Variants in SMIM14 observed in about 807,000 individuals in gnomAD.
SMIM14 encodes chromosome 4 open reading frame 34.
In SMIM14, 5 loss-of-function variants were observed where a neutral mutation model predicts 12.6. That is an observed-to-expected ratio of 0.40 (90% CI 0.21 to 0.83). The LOEUF is 0.83. SMIM14 is among the 40% of genes least tolerant of loss of function. The pLI is 0.37. For missense variants in SMIM14, 86 were observed against 119.1 expected, an observed-to-expected ratio of 0.72 and a Z score of 1.29; for synonymous variants, 30 against 40.1, an observed-to-expected ratio of 0.75 and a Z score of 0.95.
chr4:39,563,489 G>A (rs1160869626), intron 3 of SMIM14, among the ~76,000 whole-genome samples: 2 of 152,224 alleles, frequency 1.3e-5, no homozygotes, highest in African/African-American at 4.8e-5. Context: ...TTCGGGGTGG[G>A]ATCAGGAGCC....
At chr4:39,562,775 G>A (rs866299121) in intron 3 of SMIM14, among the ~76,000 whole-genome samples, 4 of 140,708 alleles carry the variant, frequency 2.8e-5, no homozygotes, top group African/African-American at 9.2e-5. Context: ...CCAAAGTTCT[G>A]GAATTACAGG....
chr4:39,610,380 C>T (rs2110063659), intron 1 of SMIM14, among the ~76,000 whole-genome samples: 1 of 152,156 alleles, frequency 6.6e-6, no homozygotes, highest in South Asian at 2.1e-4. Context: ...CATGATTTTA[C>T]TGAAATTGAA....
intron 1 of SMIM14, among the ~76,000 whole-genome samples, chr4:39,620,088 C>T (rs1715423862): frequency 6.6e-6 from 1 of 151,122 alleles, no homozygotes; most frequent in South Asian, 2.1e-4. Context: ...TGCCTGTAAT[C>T]CCAGCACTTT....
chr4:39,586,458 C>T (rs554091595), intron 2 of SMIM14, among the ~76,000 whole-genome samples: 1 of 152,028 alleles, frequency 6.6e-6, no homozygotes, highest in South Asian at 2.1e-4. Context: ...CTCCATTGTC[C>T]AGTAACGTTC....
intron 2 of SMIM14, among the ~76,000 whole-genome samples, chr4:39,583,157 T>C (rs1246649404): frequency 2.0e-5 from 3 of 151,968 alleles, no homozygotes; most frequent in African/African-American, 7.3e-5. Flanking sequence ...GGCACAATCA[T>C]GGCTCACTGC....
At chr4:39,600,741 T>TGTGC (rs1714574030) in intron 2 of SMIM14, among the ~76,000 whole-genome samples, 1 of 148,216 alleles carries the variant, frequency 6.7e-6, no homozygotes. Flanking sequence ...TGTGGTGCTG[T>TGTGC]GTGCCTGTAG....
intron 1 of SMIM14, among the ~76,000 whole-genome samples, chr4:39,634,157 G>A (rs534779258): frequency 1.3e-5 from 2 of 152,264 alleles, no homozygotes; most frequent in East Asian, 1.9e-4. Context: ...TCAATCTCTC[G>A]ACCTCGTGAT....
chr4:39,581,297 T>A (rs963249093), intron 2 of SMIM14, among the ~76,000 whole-genome samples: 1 of 152,134 alleles, frequency 6.6e-6, no homozygotes, highest in Non-Finnish European at 1.5e-5. Context: ...TCCTTCTCTA[T>A]TAATGAGCAG....
At chr4:39,598,386 G>A (rs1453271374) in intron 2 of SMIM14, among the ~76,000 whole-genome samples, 1 of 152,070 alleles carries the variant, frequency 6.6e-6, no homozygotes, top group Admixed American at 6.6e-5. Context: ...CCCTCCAGAG[G>A]CAACCATTTT....
chr4:39,564,768 CT>C (rs1712490524), intron 3 of SMIM14, among the ~76,000 whole-genome samples: 1 of 152,150 alleles, frequency 6.6e-6, no homozygotes, highest in Admixed American at 6.5e-5. Context: ...GAAAGTGAGG[CT>C]GTCAGTTGTG....
chr4:39,616,084 G>A (rs1715211906), intron 1 of SMIM14, among the ~76,000 whole-genome samples: 1 of 152,146 alleles, frequency 6.6e-6, no homozygotes. Context: ...CTATTCCACT[G>A]AAAACAAGGA....
At chr4:39,553,072 T>TC (rs965135435) in intron 4 of SMIM14, among the ~76,000 whole-genome samples, 1 of 151,906 alleles carries the variant, frequency 6.6e-6, no homozygotes, top group African/African-American at 2.4e-5. Flanking sequence ...TTTTTTTTTT[T>TC]TTCCTTGAGA....
intron 3 of SMIM14, among the ~76,000 whole-genome samples, chr4:39,572,102 C>A (rs1219146388): frequency 6.6e-6 from 1 of 151,900 alleles, no homozygotes; most frequent in Non-Finnish European, 1.5e-5. Context: ...CTGCACCCAG[C>A]CTTTTTTTTT....
At chr4:39,625,803 C>T (rs529707814) in intron 1 of SMIM14, among the ~76,000 whole-genome samples, 10 of 152,294 alleles carry the variant, frequency 6.6e-5, no homozygotes, top group African/African-American at 2.4e-4. Flanking sequence ...GCATACTATT[C>T]AAAAGGAAGA....
chr4:39,589,168 C>T (rs1216604598), intron 2 of SMIM14, among the ~76,000 whole-genome samples: 2 of 152,186 alleles, frequency 1.3e-5, no homozygotes, highest in Non-Finnish European at 2.9e-5. Flanking sequence ...CACACTGTAA[C>T]CTCTGCCTCC....
At chr4:39,567,549 C>T (rs1325040187) in intron 3 of SMIM14, among the ~76,000 whole-genome samples, 1 of 152,070 alleles carries the variant, frequency 6.6e-6, no homozygotes, top group Admixed American at 6.6e-5. Flanking sequence ...CCAGCCTGGC[C>T]AACATGGCGA....
intron 3 of SMIM14, among the ~76,000 whole-genome samples, chr4:39,568,000 G>A (rs556855508): frequency 2.0e-5 from 3 of 152,214 alleles, no homozygotes; most frequent in East Asian, 3.9e-4. Flanking sequence ...CATACAGGCC[G>A]GGCGCGGTAG....
chr4:39,631,052 T>A (rs1245919549), intron 1 of SMIM14, among the ~76,000 whole-genome samples: 2 of 152,018 alleles, frequency 1.3e-5, no homozygotes, highest in Non-Finnish European at 2.9e-5. Context: ...AGCAAACTTG[T>A]TTTTGCCAGG....
rs1553866609 is a variant in SMIM14, at chr4:39,619,728, T to TTATATATATCAATAAATATAATTTATTA, written c.-35-14576_-35-14549dup. On this transcript the variant is annotated intron_variant, in intron 1 of 4. Coordinates refer to ENST00000295958, the MANE Select transcript of SMIM14 (RefSeq NM_174921.3). Reference sequence around the variant, plus strand: ...TTATTCTATATATCAATAAATATAATTATATATATCAATAAATATAATTTA... The same window carrying TTATATATATCAATAAATATAATTTATTA: ...TTATTCTATATATCAATAAATATAATTATATATATCAATAAATATAATTTATTATATATATATCAATAAATATAATTTA... Among the ~76,000 whole-genome samples the TTATATATATCAATAAATATAATTTATTA allele has an allele frequency of 1.6e-3, 182 of 112,830 alleles. 2 individuals are homozygous for TTATATATATCAATAAATATAATTTATTA. The highest frequency in any genetic ancestry group is 2.5e-3 in the East Asian group (10 of 4,032). 74.0% of individuals were successfully genotyped at this position (112,830 alleles called of 152,430 possible).
Sources: gnomAD v4.1 joint callset for allele counts (sites outside exome capture counted in the v4.1 genomes callset) on GRCh38, gnomAD v4.1.1 for gene constraint, MANE v1.5 for transcripts, NCBI Gene and HGNC (gene_info 2026-07-23, HGNC 2026-07-21) for gene names.